The following FHIT variants were observed in gnomAD, a reference collection of about 807,000 sequenced individuals.
FHIT encodes fragile histidine triad diadenosine triphosphatase, also known as bis(5'-adenosyl)-triphosphatase.
A neutral mutation model predicts 17.9 loss-of-function variants in FHIT; 19 were observed. The observed-to-expected ratio is 1.06, with a 90% CI of 0.74 to 1.56. The LOEUF is 1.56. Ranked by LOEUF, FHIT falls within the 40% of genes most tolerant of loss-of-function variation. The pLI, the probability that FHIT is intolerant of heterozygous loss-of-function variation, is 0.00. For synonymous variants in FHIT, 81 were observed against 69.7 expected (o/e 1.16, Z -0.81); for missense variants, 248 against 189.2 (o/e 1.31, Z -1.82).
intron 8 of FHIT, among the ~76,000 whole-genome samples, chr3:59,919,071 A>C (rs775596796): frequency 2.0e-5 from 3 of 152,202 alleles, no homozygotes; most frequent in Non-Finnish European, 4.4e-5. Context: ...TCACCCAAAC[A>C]TTGCAATACT....
chr3:60,129,750 A>G lies in FHIT; in HGVS notation c.104-115598T>C, dbSNP rs113782676. Among the ~76,000 whole-genome samples the G allele has an allele frequency of 1.8e-3, 269 of 152,126 alleles. 1 individual carries two copies. The highest frequency in any genetic ancestry group is 6.0e-3 in the African/African-American group (251 of 41,514). ...CAAGTTAAAGTTAAGGAGATATAAA[A>G]CCCTCTCAGATTAATGTACAGCCCA... On this transcript the variant is annotated intron_variant, in intron 5 of 9. Transcript: ENST00000492590.
At chr3:60,501,801 T>C (rs1421804857) in intron 5 of FHIT, among the ~76,000 whole-genome samples, 1 of 152,268 alleles carries the variant, frequency 6.6e-6, no homozygotes, top group Non-Finnish European at 1.5e-5. Context: ...AACGAAGTGA[T>C]ACTGTGTGTT....
Position 60,711,489 on chromosome 3 carries a change from G to A in FHIT, c.-18+110430C>T, listed in dbSNP as rs2041530819. Among the ~76,000 whole-genome samples the A allele has an allele frequency of 3.3e-5, 5 of 152,172 alleles. No homozygotes were observed. The South Asian group carries it at 1.0e-3, about 32-fold the overall frequency. On this transcript the variant is annotated intron_variant, in intron 4 of 9. Coordinates refer to ENST00000492590, the MANE Select transcript of FHIT (RefSeq NM_002012.4). ...ATCCAACCACTCCGAGCTACAGGAG[G>A]AAATTCAAACCAAAGGCAAAGAAGT...
At chr3:61,020,988 C>T (rs2032392214) in intron 3 of FHIT, among the ~76,000 whole-genome samples, 1 of 152,070 alleles carries the variant, frequency 6.6e-6, no homozygotes, top group Admixed American at 6.5e-5. Flanking sequence ...GCTAACTATC[C>T]TAAATATATA....
At chr3:60,981,338 T>C in intron 3 of FHIT, among the ~76,000 whole-genome samples, 1 of 142,200 alleles carries the variant, frequency 7.0e-6, no homozygotes, top group African/African-American at 2.6e-5. Context: ...AGAGTCTCAC[T>C]CTGTCACCCA....
chr3:60,305,293 C>T (rs575025405), intron 5 of FHIT, among the ~76,000 whole-genome samples: 1 of 152,174 alleles, frequency 6.6e-6, no homozygotes, highest in South Asian at 2.1e-4. Flanking sequence ...ATAAAAAATG[C>T]TTACCATGGC....
At chr3:60,002,841 C>A (rs184661045) in intron 7 of FHIT, among the ~76,000 whole-genome samples, 2 of 152,130 alleles carry the variant, frequency 1.3e-5, no homozygotes, top group African/African-American at 4.8e-5. Flanking sequence ...AGAATCAAGT[C>A]CAGGTCATCT....
At chr3:61,214,204 T>C (rs200353462) in intron 1 of FHIT, among the ~76,000 whole-genome samples, 1 of 150,374 alleles carries the variant, frequency 6.7e-6, no homozygotes, top group African/African-American at 2.4e-5. Context: ...TTCAAAAAAT[T>C]AATGAATCCA....
intron 5 of FHIT, among the ~76,000 whole-genome samples, chr3:60,161,993 G>A (rs1700962018): frequency 6.6e-6 from 1 of 152,104 alleles, no homozygotes; most frequent in Non-Finnish European, 1.5e-5. Flanking sequence ...ACCGGACGTT[G>A]GAAAGAATTT....
intron 4 of FHIT, among the ~76,000 whole-genome samples, chr3:60,722,075 G>C (rs555440796): frequency 2.0e-5 from 3 of 152,286 alleles, no homozygotes; most frequent in Admixed American, 6.5e-5. Context: ...AATACGAAAG[G>C]CTCAGAGATG....
intron 8 of FHIT, among the ~76,000 whole-genome samples, chr3:59,764,595 G>T (rs898869507): frequency 2.0e-5 from 3 of 152,070 alleles, no homozygotes; most frequent in African/African-American, 7.2e-5. Flanking sequence ...ACAAATTGGA[G>T]CCAACCTTTC....
At chr3:59,966,432 G>C (rs755306054) in intron 7 of FHIT, among the ~76,000 whole-genome samples, 1 of 152,024 alleles carries the variant, frequency 6.6e-6, no homozygotes, top group Non-Finnish European at 1.5e-5. Flanking sequence ...TTAACAATGG[G>C]GATACATGCT....
intron 8 of FHIT, among the ~76,000 whole-genome samples, chr3:59,801,262 T>C (rs1305310639): frequency 6.6e-6 from 1 of 151,802 alleles, no homozygotes; most frequent in Admixed American, 6.5e-5. Flanking sequence ...CACATAAAAC[T>C]GTCTGAAATG....
intron 4 of FHIT, among the ~76,000 whole-genome samples, chr3:60,714,497 C>T (rs1465656050): frequency 6.6e-6 from 1 of 152,140 alleles, no homozygotes; most frequent in East Asian, 1.9e-4. Flanking sequence ...TCAAATTGTT[C>T]CTGTTTGCAG....
intron 5 of FHIT, among the ~76,000 whole-genome samples, chr3:60,181,002 C>T (rs1350135283): frequency 2.6e-5 from 4 of 152,048 alleles, no homozygotes; most frequent in Non-Finnish European, 5.9e-5. Context: ...GGAAAAATTA[C>T]AGTCTCTTTA....
chr3:60,654,959 G>A lies in FHIT; in HGVS notation c.-17-117980C>T, dbSNP rs191151770. Among the ~76,000 whole-genome samples, 9 of 152,224 alleles carry A rather than the reference G, an allele frequency of 5.9e-5. No homozygotes were observed. The East Asian group carries it at 1.5e-3, about 26-fold the overall frequency. ...GCCCATATCTCATCCTGTGATGTGTGGAGGCAAGAGACACAGGCTAGATTG... is the reference window on the plus strand; with the variant it reads ...GCCCATATCTCATCCTGTGATGTGTAGAGGCAAGAGACACAGGCTAGATTG... On this transcript the variant is annotated intron_variant, in intron 4 of 9. Coordinates refer to ENST00000492590, the MANE Select transcript of FHIT (RefSeq NM_002012.4).
At chr3:60,264,670 T>C (rs1399971342) in intron 5 of FHIT, among the ~76,000 whole-genome samples, 1 of 151,962 alleles carries the variant, frequency 6.6e-6, no homozygotes, top group Non-Finnish European at 1.5e-5. Context: ...AGGAATGGCT[T>C]CAAAACCCAG....
chr3:59,807,596 G>C (rs1003418151), intron 8 of FHIT, among the ~76,000 whole-genome samples: 1 of 152,166 alleles, frequency 6.6e-6, no homozygotes, highest in Non-Finnish European at 1.5e-5. Flanking sequence ...TGATTATTCT[G>C]TAGCATGTGC....
chr3:61,244,447 A>G (rs1005497985), intron 1 of FHIT, among the ~76,000 whole-genome samples: 3 of 152,228 alleles, frequency 2.0e-5, no homozygotes, highest in African/African-American at 7.2e-5. Context: ...ACTCAATTGC[A>G]TGGGATGAAA....
Sources: allele counts gnomAD v4.1 joint callset (sites outside exome capture counted in the v4.1 genomes callset), GRCh38; gene constraint gnomAD v4.1.1; transcripts MANE v1.5; gene names NCBI Gene and HGNC (gene_info 2026-07-23, HGNC 2026-07-21).